The following CSMD3 variants were observed in gnomAD, a reference collection of about 807,000 sequenced individuals.
CSMD3 encodes the protein CUB and sushi domain-containing protein 3.
CSMD3 carries 177 observed loss-of-function variants against 435.2 expected under a neutral mutation model. The ratio of observed to expected loss-of-function variants is 0.41; its 90% CI spans 0.36 to 0.46. CSMD3 has a LOEUF of 0.46. Among genes scored for constraint, CSMD3 ranks in the 20% least tolerant of loss-of-function variants. The pLI, the probability that CSMD3 is intolerant of heterozygous loss-of-function variation, is 0.34. For missense variants in CSMD3, 4,265 were observed against 4,504.6 expected, an observed-to-expected ratio of 0.95 and a Z score of 1.52; for synonymous variants, 1,656 against 1,520.5, an observed-to-expected ratio of 1.09 and a Z score of -2.07.
intron 1 of CSMD3, chr8:113,377,212 G>T: frequency 9.5e-7 from 1 of 1,048,988 alleles, no homozygotes; most frequent in Non-Finnish European, 1.2e-6. Context: ...TCGAGCGCGC[G>T]AGAGACCGAA....
At chr8:113,239,999 T>C (rs2093195458) in intron 3 of CSMD3, among the ~76,000 whole-genome samples, 1 of 152,068 alleles carries the variant, frequency 6.6e-6, no homozygotes, top group South Asian at 2.1e-4. Context: ...ATCTTCTAGC[T>C]CCTCCCACCC....
chr8:112,800,116 C>G, intron 13 of CSMD3, 46 bp downstream of exon 13: 1 of 1,236,028 alleles, frequency 8.1e-7, no homozygotes, highest in Non-Finnish European at 1.2e-6. Flanking sequence ...AAAATATTCT[C>G]TGGTGGTATT....
intron 30 of CSMD3, 56 bp from the exon 31 acceptor site, chr8:112,492,739 T>A (rs1820823773): frequency 1.5e-6 from 2 of 1,350,810 alleles, no homozygotes; most frequent in Admixed American, 1.7e-5. Flanking sequence ...TGGCACTCCG[T>A]AATACATGGG....
At chr8:113,077,522 C>T (rs976345400) in intron 5 of CSMD3, among the ~76,000 whole-genome samples, 1 of 151,874 alleles carries the variant, frequency 6.6e-6, no homozygotes, top group Non-Finnish European at 1.5e-5. Flanking sequence ...ATCAACATGG[C>T]GAAACCCCAT....
intron 6 of CSMD3, among the ~76,000 whole-genome samples, chr8:113,011,808 C>T (rs112768156): frequency 0.047 from 7,118 of 151,646 alleles, 229 homozygotes; most frequent in Non-Finnish European, 0.069. Flanking sequence ...TTAATAATTG[C>T]TTTAGACAGA....
intron 3 of CSMD3, among the ~76,000 whole-genome samples, chr8:113,248,908 A>G (rs2093307538): frequency 6.6e-6 from 1 of 151,838 alleles, no homozygotes. Context: ...TGACAATCTT[A>G]TTTAGAAAAA....
intron 1 of CSMD3, among the ~76,000 whole-genome samples, chr8:113,392,839 G>A (rs2094466596): frequency 6.6e-6 from 1 of 151,780 alleles, no homozygotes; most frequent in Non-Finnish European, 1.5e-5. Flanking sequence ...TCAAAAGCAA[G>A]GAGACAGCAA....
intron 27 of CSMD3, among the ~76,000 whole-genome samples, chr8:112,545,482 C>CAAAAAAAAAA (rs71566032): frequency 1.5e-4 from 4 of 26,870 alleles, no homozygotes; most frequent in Non-Finnish European, 2.0e-4. Flanking sequence ...GACTCCATCT[C>CAAAAAAAAAA]AAAAAAAAAA....
chr8:113,113,220 T>C (rs1315279472), intron 4 of CSMD3, among the ~76,000 whole-genome samples: 2 of 152,158 alleles, frequency 1.3e-5, no homozygotes, highest in Admixed American at 6.5e-5. Flanking sequence ...TATTTATAGA[T>C]ACAGGGATGC....
chr8:112,996,637 C>A (rs1325283910), intron 6 of CSMD3, among the ~76,000 whole-genome samples: 2 of 151,540 alleles, frequency 1.3e-5, no homozygotes, highest in Non-Finnish European at 3.0e-5. Flanking sequence ...AGTTTTGAGA[C>A]ACCTGTTTCA....
chr8:112,703,750 A>G (rs2076439601), intron 13 of CSMD3, among the ~76,000 whole-genome samples: 1 of 152,126 alleles, frequency 6.6e-6, no homozygotes, highest in African/African-American at 2.4e-5. Context: ...GTTGTGAAAT[A>G]TAGAATCATG....
At chr8:113,060,536 A>C (rs2088567446) in intron 5 of CSMD3, among the ~76,000 whole-genome samples, 1 of 152,144 alleles carries the variant, frequency 6.6e-6, no homozygotes. Flanking sequence ...TTCACTGGCA[A>C]CAAAACACAA....
At chr8:112,909,381 T>C (rs2082345649) in intron 10 of CSMD3, among the ~76,000 whole-genome samples, 1 of 151,668 alleles carries the variant, frequency 6.6e-6, no homozygotes, top group African/African-American at 2.4e-5. Context: ...CTTAACAATG[T>C]AACAGAAGTG....
intron 22 of CSMD3, among the ~76,000 whole-genome samples, chr8:112,604,161 G>T (rs370206680): frequency 2.0e-5 from 3 of 152,248 alleles, no homozygotes; most frequent in South Asian, 4.1e-4. Context: ...GGGCAAGGGA[G>T]ATTTTTACTG....
chr8:112,792,727 A>G (rs1440107042), intron 13 of CSMD3, among the ~76,000 whole-genome samples: 4 of 152,120 alleles, frequency 2.6e-5, no homozygotes, highest in African/African-American at 9.7e-5. Context: ...TGTATATTGC[A>G]TGAGTTAACA....
intron 14 of CSMD3, among the ~76,000 whole-genome samples, chr8:112,688,941 A>G (rs537536439): frequency 6.6e-6 from 1 of 152,126 alleles, no homozygotes; most frequent in Non-Finnish European, 1.5e-5. Context: ...ACACTAATGG[A>G]TTCTCCAGTA....
chr8:113,061,386 T>C (rs189424232), intron 5 of CSMD3, among the ~76,000 whole-genome samples: 1 of 152,200 alleles, frequency 6.6e-6, no homozygotes, highest in Non-Finnish European at 1.5e-5. Flanking sequence ...AGTTTAATTA[T>C]AATTCAGAGT....
intron 37 of CSMD3, among the ~76,000 whole-genome samples, chr8:112,381,850 T>A (rs886823081): frequency 6.6e-6 from 1 of 152,184 alleles, no homozygotes; most frequent in Non-Finnish European, 1.5e-5. Context: ...AAGCCTCAAT[T>A]ACCTACCAGG....
intron 4 of CSMD3, among the ~76,000 whole-genome samples, chr8:113,167,212 G>GT (rs1156815583): frequency 6.6e-6 from 1 of 151,938 alleles, no homozygotes; most frequent in Non-Finnish European, 1.5e-5. Flanking sequence ...AAATACAAAC[G>GT]TAACAAGTGA....
Sources: allele counts gnomAD v4.1 joint callset (sites outside exome capture counted in the v4.1 genomes callset), GRCh38; gene constraint gnomAD v4.1.1; transcripts MANE v1.5; gene names NCBI Gene and HGNC (gene_info 2026-07-23, HGNC 2026-07-21).